The following PNPLA7 variants were observed in gnomAD, a reference collection of about 807,000 sequenced individuals.
PNPLA7 encodes patatin-like phospholipase domain-containing protein 7.
PNPLA7 carries 153 observed loss-of-function variants against 161.7 expected under a neutral mutation model. That is an observed-to-expected ratio of 0.95 (90% CI 0.83 to 1.08). PNPLA7 has a LOEUF of 1.08. Among genes scored for constraint, PNPLA7 ranks in the 50% least tolerant of loss-of-function variants. The pLI is 0.00. For synonymous variants in PNPLA7, 809 were observed against 782.1 expected (o/e 1.03, Z -0.57); for missense variants, 1,739 against 1,856.6 (o/e 0.94, Z 1.16).
intron 25 of PNPLA7, 93 bp downstream of exon 25, chr9:137,477,941 C>G: frequency 9.4e-7 from 1 of 1,058,954 alleles, no homozygotes; most frequent in Non-Finnish European, 1.2e-6. Flanking sequence ...GGTGACACCC[C>G]CTGTCCCCCG....
chr9:137,541,910 G>A lies in PNPLA7; in HGVS notation c.666+732C>T, dbSNP rs970597178. ...GATCCTCCCACCTCAGCCCCCAAGT[G>A]GCTGGGACCACAGGTGCTACCACCA... On this transcript the variant is annotated intron_variant, in intron 7 of 34. Coordinates refer to ENST00000406427, the MANE Select transcript of PNPLA7 (RefSeq NM_001098537.3). The surrounding 1 kb of genome is among the most constrained non-coding windows in gnomAD (Gnocchi z 4.4). 2.6e-5 allele frequency among the ~76,000 whole-genome samples: 4 copies of A among 151,976 alleles called. No individual in the cohort carries two copies. The highest frequency in any genetic ancestry group is 2.6e-4 in the Admixed American group (4 of 15,246).
intron 4 of PNPLA7, among the ~76,000 whole-genome samples, chr9:137,545,769 G>A (rs568138982): frequency 6.6e-6 from 1 of 152,218 alleles, no homozygotes; most frequent in Non-Finnish European, 1.5e-5. Context: ...GAAGACAAGA[G>A]TGCGAGCCTT....
intron 20 of PNPLA7, among the ~76,000 whole-genome samples, chr9:137,488,137 C>T (rs1398602450): frequency 6.6e-6 from 1 of 152,278 alleles, no homozygotes; most frequent in African/African-American, 2.4e-5. Context: ...GAACGCTGCT[C>T]TCGTGGTCTG....
At position 137,467,598 on chromosome 9, in the gene PNPLA7, C is replaced by T; in HGVS notation, c.2883-125G>A. Reference sequence around the variant, plus strand: ...GCAGAGACGCTGACGCAGAGAGGGACTCCAGATGCAGTTTAAAACCCCTCT... The same window carrying T: ...GCAGAGACGCTGACGCAGAGAGGGATTCCAGATGCAGTTTAAAACCCCTCT... On this transcript the variant is annotated intron_variant, in intron 25 of 34. Transcript: ENST00000406427. This position sits in a 1 kb window ranked among gnomAD's most constrained non-coding sequence, Gnocchi z 5.1. 9 of 1,277,848 alleles carry T rather than the reference C, an allele frequency of 7.0e-6. No individual in the cohort carries two copies. Among genetic ancestry groups the T allele is most frequent in the Non-Finnish European group, 5.3e-6 (5 of 941,336 alleles). 79.2% of individuals were successfully genotyped at this position (1,277,848 alleles called of 1,614,324 possible).
intron 17 of PNPLA7, 43 bp from the exon 18 acceptor site, chr9:137,497,353 T>A (rs755871199): frequency 2.1e-6 from 3 of 1,458,686 alleles, no homozygotes; most frequent in Non-Finnish European, 2.7e-6. Context: ...GCCCCCAGCC[T>A]CAGCCTCCAC....
Position 137,497,302 on chromosome 9 carries a change from T to C in PNPLA7, c.1898A>G (p.Asp633Gly). Residue 633 changes from aspartate to glycine, a missense_variant, in exon 18 of 35, where the codon GAC becomes GGC. Around this residue, in one of 6 missense-constraint regions of PNPLA7, gnomAD observed 481 missense variants for 450.0 expected, o/e 1.07. Coordinates refer to ENST00000406427, the MANE Select transcript of PNPLA7 (RefSeq NM_001098537.3). Reference sequence around the variant, plus strand: ...CATGATGTACGTGCAGTCGGACTTGTCCCCCTGCCTGCGGAAGACACAGAG... The same window carrying C: ...CATGATGTACGTGCAGTCGGACTTGCCCCCCTGCCTGCGGAAGACACAGAG... Reference protein sequence around the residue: ...EAGRAIYRQGDKSDCTYIMLS... With the variant: ...EAGRAIYRQGGKSDCTYIMLS... The C allele has an allele frequency of 6.4e-7, 1 of 1,566,886 alleles. No homozygotes were observed. The highest frequency in any genetic ancestry group is 8.6e-7 in the Non-Finnish European group (1 of 1,156,802).
At chr9:137,487,489 CTG>C (rs1403938354) in intron 20 of PNPLA7, among the ~76,000 whole-genome samples, 2 of 152,272 alleles carry the variant, frequency 1.3e-5, no homozygotes, top group Non-Finnish European at 2.9e-5. Flanking sequence ...GCATGTGCAG[CTG>C]TGTCTGTGCA....
chr9:137,497,451 A>AT, intron 17 of PNPLA7, 141 bp from the exon 18 acceptor site: 2 of 798,552 alleles, frequency 2.5e-6, no homozygotes, highest in Non-Finnish European at 3.4e-6. Context: ...TGGAAAACAT[A>AT]TTTTTTATTT....
rs779797075 is a variant in PNPLA7 at position 137,501,637 on chromosome 9, G to A, written c.1551+13C>T. 29 of 1,608,236 alleles carry A rather than the reference G, an allele frequency of 1.8e-5. 1 individual carries two copies. In the South Asian group the frequency reaches 3.0e-4, roughly 17 times the overall value. On this transcript the variant is annotated intron_variant, in intron 15 of 34. Transcript: ENST00000406427. Reference sequence around the variant, plus strand: ...TGGGTGGTCCCAGTGCCCCCCCCCAGACCCCCGCTCACCTGGTCTCCCTGC... The same window carrying A: ...TGGGTGGTCCCAGTGCCCCCCCCCAAACCCCCGCTCACCTGGTCTCCCTGC...
At chr9:137,521,125 C>T (rs1834969522) in intron 10 of PNPLA7, among the ~76,000 whole-genome samples, 1 of 152,008 alleles carries the variant, frequency 6.6e-6, no homozygotes, top group African/African-American at 2.4e-5. Flanking sequence ...CTGTAGGGAC[C>T]CCATGGGATG....
Position 137,547,163 on chromosome 9 carries a change from G to A in PNPLA7, c.193+146C>T. The stretch of plus-strand genomic sequence containing the variant: ...CAGACTTGGCTTCCTGGAACCGACG[G>A]GCTCAGCCTGAGCCCAGACGGGCCA... On this transcript the variant is annotated intron_variant, in intron 3 of 34. Coordinates refer to ENST00000406427, the MANE Select transcript of PNPLA7 (RefSeq NM_001098537.3). This position sits in a 1 kb window ranked among gnomAD's most constrained non-coding sequence, Gnocchi z 4.6. The A allele has an allele frequency of 1.1e-6, 1 of 870,030 alleles. No homozygotes were observed. The highest frequency in any genetic ancestry group is 1.9e-6 in the Non-Finnish European group (1 of 539,800). 53.9% of individuals were successfully genotyped at this position (870,030 alleles called of 1,614,324 possible).
At chr9:137,485,647 C>G (rs1027659459) in intron 20 of PNPLA7, among the ~76,000 whole-genome samples, 7 of 152,368 alleles carry the variant, frequency 4.6e-5, no homozygotes, top group African/African-American at 1.7e-4. Flanking sequence ...GCAAGGGATT[C>G]CAGAAACCAA....
Position 137,479,174 on chromosome 9 carries a change from TC to T in PNPLA7, c.2644del (p.Glu882ArgfsTer65), listed in dbSNP as rs1384233581. 2.6e-6 allele frequency: 4 copies of T among 1,567,598 alleles called. No individual in the cohort carries two copies. The African/African-American group carries it at 5.4e-5, about 21-fold the overall frequency. ...AQKQLILLHR[E>X]EGPAPARTVE... Reference sequence around the variant, plus strand: ...GGTGCGCGCTGGCGCCGGGCCCTCCTCCCTGTGCAGCAGGATCAGCTGCTTC... The same window carrying T: ...GGTGCGCGCTGGCGCCGGGCCCTCCTCCTGTGCAGCAGGATCAGCTGCTTC... On this transcript the variant is annotated frameshift_variant, in exon 24 of 35. Transcript: ENST00000406427. LOFTEE classifies it high-confidence loss of function.
At chr9:137,478,360 G>A (rs1040177934) in intron 24 of PNPLA7, 2 of 399,504 alleles carry the variant, frequency 5.0e-6, no homozygotes, top group Non-Finnish European at 8.7e-6. Flanking sequence ...CTACTGGGGG[G>A]AGGACACTGG....
At chr9:137,544,744 G>A (rs1836396241) in intron 4 of PNPLA7, among the ~76,000 whole-genome samples, 1 of 152,054 alleles carries the variant, frequency 6.6e-6, no homozygotes, top group African/African-American at 2.4e-5. Context: ...CCTGGGTCCT[G>A]GCTCAAACAA....
rs571230226 is a variant in PNPLA7, at chr9:137,541,048, G to A, written c.667-326C>T. On this transcript the variant is annotated intron_variant, in intron 7 of 34. Coordinates refer to ENST00000406427, the MANE Select transcript of PNPLA7 (RefSeq NM_001098537.3). The surrounding 1 kb of genome is among the most constrained non-coding windows in gnomAD (Gnocchi z 4.4). ...GCTAACTATAAGGACTCCGAGGACC[G>A]ATTCAGTTATTACCAGCCTAAATTC... is the stretch of plus-strand genomic sequence containing the variant. Among the ~76,000 whole-genome samples the A allele has an allele frequency of 3.3e-5, 5 of 152,294 alleles. No individual in the cohort carries two copies. The highest frequency in any genetic ancestry group is 3.9e-4 in the East Asian group (2 of 5,184).
intron 12 of PNPLA7, chr9:137,509,829 T>A (rs752392735): frequency 4.8e-6 from 2 of 418,146 alleles, no homozygotes; most frequent in African/African-American, 4.1e-5. Context: ...TCCAGTATAA[T>A]AAAATATAAA....
Position 137,499,770 on chromosome 9 carries a change from G to A in PNPLA7, c.1757+921C>T, listed in dbSNP as rs1473365141. 2.0e-5 allele frequency among the ~76,000 whole-genome samples: 3 copies of A among 152,248 alleles called. No homozygotes were observed. Among genetic ancestry groups the A allele is most frequent in the Non-Finnish European group, 4.4e-5 (3 of 68,042 alleles). On this transcript the variant is annotated intron_variant, in intron 16 of 34. Transcript: ENST00000406427. The surrounding 1 kb of genome is among the most constrained non-coding windows in gnomAD (Gnocchi z 5.5). ...GCGCGGTGCCATTTGCTGGATTACA[G>A]GCGTGAGCCGCTGCACCCAGCCGAC...
rs34191041 is a variant in PNPLA7 at position 137,484,603 on chromosome 9, A to C, written c.2331T>G (p.His777Gln). The C allele has an allele frequency of 6.2e-7, 1 of 1,610,268 alleles. No homozygotes were observed. Among genetic ancestry groups the C allele is most frequent in the South Asian group, 1.1e-5 (1 of 90,582 alleles). ...PLTAFALELEHALSAIGPTLL... is the reference protein window; with the variant it reads ...PLTAFALELEQALSAIGPTLL... ...CAGGCTTACCGATGGCGCTGAGGGC[A>C]TGCTCCAGCTCCAGGGCGAAGGCGG... The change falls in exon 21 of 35, where the codon CAT becomes CAG. Residue 777 changes from histidine to glutamine, a missense_variant. Around this residue, in one of 6 missense-constraint regions of PNPLA7, gnomAD observed 192 missense variants for 249.5 expected, o/e 0.77. Transcript: ENST00000406427.
Sources: allele counts gnomAD v4.1 joint callset (sites outside exome capture counted in the v4.1 genomes callset), GRCh38; gene constraint gnomAD v4.1.1; regional missense constraint gnomAD v4.1.1; non-coding constraint Gnocchi (gnomAD v3.1); transcripts MANE v1.5; gene names NCBI Gene and HGNC (gene_info 2026-07-23, HGNC 2026-07-21).